The following CHCHD3 variants were observed in gnomAD, a reference collection of about 807,000 sequenced individuals.
CHCHD3 encodes the protein coiled-coil-helix-coiled-coil-helix domain containing 3.
In CHCHD3, 20 loss-of-function variants were observed where a neutral mutation model predicts 38.2. The observed-to-expected ratio is 0.52, with a 90% CI of 0.37 to 0.76. CHCHD3 has a LOEUF of 0.76. CHCHD3 is among the 30% of genes least tolerant of loss of function. The probability of loss-of-function intolerance (pLI) is 0.00; values close to 1 mark genes in which losing one functional copy is unlikely to be tolerated. For missense variants in CHCHD3, 245 were observed against 279.2 expected (o/e 0.88, Z 0.87); for synonymous variants, 82 against 100.0 (o/e 0.82, Z 1.07).
intron 5 of CHCHD3, among the ~76,000 whole-genome samples, chr7:132,862,753 A>G (rs1246339158): frequency 6.6e-6 from 1 of 152,240 alleles, no homozygotes; most frequent in Non-Finnish European, 1.5e-5. Flanking sequence ...TTCATGTATT[A>G]TAATATTCTT....
intron 4 of CHCHD3, among the ~76,000 whole-genome samples, chr7:132,937,902 G>A (rs1810669982): frequency 6.6e-6 from 1 of 152,130 alleles, no homozygotes. Context: ...TCTTTCATTT[G>A]TTAAAAGACA....
At chr7:132,831,945 C>T (rs1386173803) in intron 6 of CHCHD3, among the ~76,000 whole-genome samples, 1 of 152,030 alleles carries the variant, frequency 6.6e-6, no homozygotes, top group Non-Finnish European at 1.5e-5. Flanking sequence ...TGAGAAACAC[C>T]TGCTGATACT....
chr7:132,914,123 C>CGTGT (rs200561468), intron 4 of CHCHD3, among the ~76,000 whole-genome samples: 8,194 of 132,134 alleles, frequency 0.062, 323 homozygotes, highest in South Asian at 0.11. Flanking sequence ...CCATGCCTGG[C>CGTGT]GTGTGTGTGT....
chr7:133,034,732 A>G (rs1562944174), intron 2 of CHCHD3: 1 of 1,613,570 alleles, frequency 6.2e-7, no homozygotes. Flanking sequence ...CGCCATGTGT[A>G]TGACTCGTAG....
intron 4 of CHCHD3, among the ~76,000 whole-genome samples, chr7:132,941,392 C>T (rs150006287): frequency 0.011 from 1,602 of 152,210 alleles, 12 homozygotes; most frequent in South Asian, 0.067. Context: ...TACTTCTCAA[C>T]GGACCCACAC....
chr7:133,013,777 T>C (rs913974000), intron 3 of CHCHD3, among the ~76,000 whole-genome samples: 2 of 152,138 alleles, frequency 1.3e-5, no homozygotes, highest in Non-Finnish European at 2.9e-5. Flanking sequence ...AATGATTTTG[T>C]AGGGAGTAAG....
At chr7:132,993,596 C>T (rs1258486376) in intron 3 of CHCHD3, among the ~76,000 whole-genome samples, 1 of 152,200 alleles carries the variant, frequency 6.6e-6, no homozygotes, top group Non-Finnish European at 1.5e-5. Flanking sequence ...TGTTGGGCTG[C>T]CTTAAGTGGA....
chr7:132,817,007 A>T (rs760363528), intron 6 of CHCHD3, among the ~76,000 whole-genome samples: 6 of 152,232 alleles, frequency 3.9e-5, no homozygotes, highest in Non-Finnish European at 7.3e-5. Context: ...GGCTGCCTGA[A>T]AAACAGACAA....
chr7:133,008,573 T>C (rs1187642293), intron 3 of CHCHD3, among the ~76,000 whole-genome samples: 1 of 152,188 alleles, frequency 6.6e-6, no homozygotes, highest in Non-Finnish European at 1.5e-5. Flanking sequence ...TGCATAAGAA[T>C]ATGTTACATA....
intron 3 of CHCHD3, among the ~76,000 whole-genome samples, chr7:133,002,410 C>G (rs1007955766): frequency 2.6e-5 from 4 of 152,060 alleles, no homozygotes; most frequent in Non-Finnish European, 5.9e-5. Flanking sequence ...CTCTCCAACT[C>G]CAAAAGACAT....
At chr7:132,989,880 T>C (rs1812225283) in intron 3 of CHCHD3, among the ~76,000 whole-genome samples, 1 of 152,160 alleles carries the variant, frequency 6.6e-6, no homozygotes, top group African/African-American at 2.4e-5. Flanking sequence ...TATCTTAAAG[T>C]ACACATCAAA....
intron 3 of CHCHD3, among the ~76,000 whole-genome samples, chr7:133,003,659 T>G (rs192401740): frequency 6.6e-6 from 1 of 152,254 alleles, no homozygotes; most frequent in East Asian, 1.9e-4. Context: ...ATGTTCAAAT[T>G]TACACAGTCT....
chr7:133,073,994 G>C (rs1279948678), intron 1 of CHCHD3, among the ~76,000 whole-genome samples: 1 of 152,102 alleles, frequency 6.6e-6, no homozygotes, highest in African/African-American at 2.4e-5. Flanking sequence ...AAACATCCAA[G>C]CCTTCACTGA....
chr7:132,937,890 G>C (rs1279051272), intron 4 of CHCHD3, among the ~76,000 whole-genome samples: 1 of 152,096 alleles, frequency 6.6e-6, no homozygotes, highest in Non-Finnish European at 1.5e-5. Context: ...AGACTGAACT[G>C]ATCTTTCATT....
chr7:132,801,476 CATATACA>C (rs888653184), intron 6 of CHCHD3, among the ~76,000 whole-genome samples: 5 of 152,170 alleles, frequency 3.3e-5, no homozygotes, highest in African/African-American at 1.2e-4. Flanking sequence ...CATTTGTTTT[CATATACA>C]ATTTGAGATG....
intron 4 of CHCHD3, among the ~76,000 whole-genome samples, chr7:132,933,624 A>T (rs1204645202): frequency 6.6e-6 from 1 of 152,230 alleles, no homozygotes; most frequent in Non-Finnish European, 1.5e-5. Flanking sequence ...CTTAGCCCAA[A>T]CTTGGGTACC....
At position 133,035,743 on chromosome 7, in the gene CHCHD3, C is replaced by T; in HGVS notation, c.170-11116G>A. 1 of 1,613,384 alleles carries T rather than the reference C, an allele frequency of 6.2e-7. No individual in the cohort carries two copies. Among genetic ancestry groups the T allele is most frequent in the East Asian group, 2.2e-5 (1 of 44,870 alleles). ...CAGAATCCATCATCACCCTCAAATG[C>T]TGGGACCTTGCCGGCAGGAAATTTG... On this transcript the variant is annotated intron_variant, in intron 2 of 7. Transcript: ENST00000262570. This position sits in a 1 kb window ranked among gnomAD's most constrained non-coding sequence, Gnocchi z 4.7.
chr7:132,899,935 A>G (rs1411073057), intron 4 of CHCHD3, among the ~76,000 whole-genome samples: 1 of 152,234 alleles, frequency 6.6e-6, no homozygotes, highest in African/African-American at 2.4e-5. Flanking sequence ...ATAAATGTGT[A>G]TGTTCTTCTG....
intron 2 of CHCHD3, among the ~76,000 whole-genome samples, chr7:133,048,044 C>T (rs1462044571): frequency 2.0e-5 from 3 of 152,018 alleles, no homozygotes; most frequent in Admixed American, 6.6e-5. Context: ...GCTGAGATCA[C>T]GCCATTGCAC....
Sources: allele counts gnomAD v4.1 joint callset (sites outside exome capture counted in the v4.1 genomes callset), GRCh38; gene constraint gnomAD v4.1.1; non-coding constraint Gnocchi (gnomAD v3.1); transcripts MANE v1.5; gene names NCBI Gene and HGNC (gene_info 2026-07-23, HGNC 2026-07-21).